TMEM181: variants seen among roughly 807,000 people sequenced by gnomAD.
The protein encoded by TMEM181 is transmembrane protein 181.
Under a neutral mutation model 71.9 loss-of-function variants are expected in TMEM181, and 39 were observed. The observed-to-expected ratio is 0.54, with a 90% CI of 0.42 to 0.71. The LOEUF (loss-of-function observed/expected upper bound fraction) is 0.71. Ranked by LOEUF, TMEM181 falls within the 30% of genes least tolerant of loss-of-function variation. TMEM181 has a pLI of 0.00. For missense variants in TMEM181, 595 were observed against 583.0 expected, an observed-to-expected ratio of 1.02 and a Z score of -0.21; for synonymous variants, 245 against 228.8, an observed-to-expected ratio of 1.07 and a Z score of -0.64.
intron 6 of TMEM181, among the ~76,000 whole-genome samples, chr6:158,591,532 A>G (rs1370394800): frequency 6.6e-6 from 1 of 151,790 alleles, no homozygotes; most frequent in African/African-American, 2.4e-5. Context: ...TCCGATTAGT[A>G]TTCTGCTTGT....
At chr6:158,542,868 GTT>G (rs61401561) in intron 1 of TMEM181, among the ~76,000 whole-genome samples, 22 of 73,496 alleles carry the variant, frequency 3.0e-4, no homozygotes, top group African/African-American at 9.7e-4. Context: ...CTCCAGAGTG[GTT>G]TTTTTTTTTT....
rs1044756609 is a variant in TMEM181, at chr6:158,537,173, A to G, written c.131+308A>G. 8.6e-5 allele frequency among the ~76,000 whole-genome samples: 13 copies of G among 152,012 alleles called. No individual in the cohort carries two copies. In the East Asian group the frequency reaches 2.5e-3, roughly 30 times the overall value. On this transcript the variant is annotated intron_variant, in intron 1 of 16. Transcript: ENST00000367090. ...CGAGGCTCCCGCCTCCCCGGAAAGG[A>G]GCTGCGGGTTGTGGCTCCTCCCTGC...
At chr6:158,568,282 C>CTTCAGT (rs1387846340) in intron 1 of TMEM181, among the ~76,000 whole-genome samples, 75 of 151,870 alleles carry the variant, frequency 4.9e-4, no homozygotes, top group African/African-American at 1.7e-3. Flanking sequence ...ACCTTTTGAC[C>CTTCAGT]TTGAAGTACT....
rs371923444 is a variant in TMEM181, at chr6:158,541,936, G to A, written c.131+5071G>A. On this transcript the variant is annotated intron_variant, in intron 1 of 16. Coordinates refer to the TMEM181 transcript ENST00000367090. ...TTTTTTTTTTTTGAGATGGAGTCTT[G>A]CTCTGTTACTAAAGGCTGGAGTGCA... Among the ~76,000 whole-genome samples the A allele has an allele frequency of 4.9e-4, 54 of 109,528 alleles. No homozygotes were observed. The East Asian group carries it at 8.1e-3, about 16-fold the overall frequency. The allele number at this position is 109,528 out of a possible 152,430, so 71.9% of individuals were successfully genotyped here. A position where few individuals can be genotyped will look rare whatever the true frequency, so the allele number is the denominator to read the frequency against.
intron 1 of TMEM181, among the ~76,000 whole-genome samples, chr6:158,552,349 T>TA (rs1443752836): frequency 2.0e-5 from 3 of 152,220 alleles, no homozygotes; most frequent in African/African-American, 7.2e-5. Flanking sequence ...GAAAGGTACT[T>TA]ACATTTAATC....
chr6:158,561,915 T>TA (rs1453866189), intron 1 of TMEM181, among the ~76,000 whole-genome samples: 1 of 152,046 alleles, frequency 6.6e-6, no homozygotes, highest in Non-Finnish European at 1.5e-5. Flanking sequence ...AAAATCCTCC[T>TA]AAAAAACAAG....
intron 1 of TMEM181, among the ~76,000 whole-genome samples, chr6:158,541,898 C>CTTT (rs10583860): frequency 1.0e-3 from 69 of 66,614 alleles, no homozygotes; most frequent in South Asian, 1.3e-3. Context: ...GGGATTTTAT[C>CTTT]TTTTTTTTTT....
intron 1 of TMEM181, among the ~76,000 whole-genome samples, chr6:158,546,637 A>G (rs1781534265): frequency 6.6e-6 from 1 of 152,226 alleles, no homozygotes. Flanking sequence ...AATTTACTGT[A>G]CACTAGAATC....
Position 158,592,017 on chromosome 6 carries a change from C to A in TMEM181, c.492+2235C>A, listed in dbSNP as rs1784137695. On this transcript the variant is annotated intron_variant, in intron 6 of 16. Coordinates refer to ENST00000684151, the MANE Select transcript of TMEM181 (RefSeq NM_001376852.1). ...TCAAAAGACGTTACCATGGGAACCA[C>A]TCACCTTGAATTACACCACAGCCAG... is the stretch of plus-strand genomic sequence containing the variant. Among the ~76,000 whole-genome samples the A allele has an allele frequency of 1.3e-5, 2 of 152,292 alleles. 1 individual carries two copies. The highest frequency in any genetic ancestry group is 4.1e-4 in the South Asian group (2 of 4,826).
chr6:158,550,555 C>T (rs908931861), intron 1 of TMEM181, among the ~76,000 whole-genome samples: 1 of 151,718 alleles, frequency 6.6e-6, no homozygotes, highest in African/African-American at 2.4e-5. Flanking sequence ...ACTCGGGAGG[C>T]TGAGGCAAGA....
At chr6:158,603,081 T>G (rs1784757930) in intron 6 of TMEM181, among the ~76,000 whole-genome samples, 1 of 152,188 alleles carries the variant, frequency 6.6e-6, no homozygotes, top group Non-Finnish European at 1.5e-5. Context: ...CCATTGAGCT[T>G]CTTGGATTTG....
chr6:158,626,370 T>C (rs1786275841), intron 13 of TMEM181: 8 of 456,514 alleles, frequency 1.8e-5, no homozygotes, highest in South Asian at 3.1e-5. Flanking sequence ...ATGGTTTGTC[T>C]GTTTCTCCTA....
intron 1 of TMEM181, among the ~76,000 whole-genome samples, chr6:158,546,315 T>G (rs1781525318): frequency 6.6e-6 from 1 of 152,242 alleles, no homozygotes; most frequent in African/African-American, 2.4e-5. Flanking sequence ...TTCTCATCAT[T>G]GGCAGCTATG....
chr6:158,606,840 C>T (rs535713000), intron 7 of TMEM181, among the ~76,000 whole-genome samples: 1 of 152,324 alleles, frequency 6.6e-6, no homozygotes, highest in East Asian at 1.9e-4. Flanking sequence ...CCTGTCACAC[C>T]CACAGATGTG....
chr6:158,577,157 A>C (rs1190788575), intron 2 of TMEM181, among the ~76,000 whole-genome samples: 2 of 152,104 alleles, frequency 1.3e-5, no homozygotes, highest in Admixed American at 1.3e-4. Flanking sequence ...TCTGAGTAAG[A>C]CCATATGACA....
At chr6:158,554,376 G>A (rs993451736) in intron 1 of TMEM181, among the ~76,000 whole-genome samples, 4 of 151,692 alleles carry the variant, frequency 2.6e-5, no homozygotes, top group South Asian at 4.2e-4. Context: ...GTGAGCCACC[G>A]CGCCTGGCCA....
chr6:158,611,066 A>C, intron 10 of TMEM181: 1 of 462,554 alleles, frequency 2.2e-6, no homozygotes. Context: ...CAGAAACTCG[A>C]GGGGTGGAGA....
intron 6 of TMEM181, 134 bp from the exon 7 acceptor site, chr6:158,605,132 GT>G: frequency 5.3e-5 from 3 of 56,870 alleles, no homozygotes; most frequent in Non-Finnish European, 8.9e-5. Context: ...AAAAAAAAAA[GT>G]GTGTGTGTGT....
chr6:158,581,147 G>A, intron 3 of TMEM181, 152 bp downstream of exon 3: 1 of 708,642 alleles, frequency 1.4e-6, no homozygotes, highest in Non-Finnish European at 2.3e-6. Context: ...TCAGCTGCTG[G>A]CATCTGGGTT....
Sources: gnomAD v4.1 joint callset for allele counts (sites outside exome capture counted in the v4.1 genomes callset) on GRCh38, gnomAD v4.1.1 for gene constraint, MANE v1.5 for transcripts, NCBI Gene and HGNC (gene_info 2026-07-23, HGNC 2026-07-21) for gene names.